Variants in GRXCR1 observed in about 807,000 individuals in gnomAD.
The protein encoded by GRXCR1 is glutaredoxin and cysteine rich domain containing 1.
In GRXCR1, 27 loss-of-function variants were observed where a neutral mutation model predicts 27.3. That is an observed-to-expected ratio of 0.99 (90% CI 0.73 to 1.37). The LOEUF (loss-of-function observed/expected upper bound fraction) is 1.37, where lower values mean the gene tolerates loss of function less well. GRXCR1 is among the 40% of genes most tolerant of loss of function. The probability of loss-of-function intolerance (pLI) is 0.00; values close to 1 mark genes in which losing one functional copy is unlikely to be tolerated. For synonymous variants in GRXCR1, 122 were observed against 131.1 expected, an observed-to-expected ratio of 0.93 and a Z score of 0.47; for missense variants, 379 against 354.4, an observed-to-expected ratio of 1.07 and a Z score of -0.56.
chr4:42,968,455 T>C (rs535417988), intron 2 of GRXCR1, among the ~76,000 whole-genome samples: 31 of 152,288 alleles, frequency 2.0e-4, no homozygotes, highest in African/African-American at 7.5e-4. Flanking sequence ...ATAATGGTTC[T>C]TTTCCACACA....
intron 2 of GRXCR1, among the ~76,000 whole-genome samples, chr4:42,965,131 GCCCTAT>G (rs1225208484): frequency 2.6e-5 from 4 of 152,118 alleles, no homozygotes; most frequent in East Asian, 3.9e-4. Context: ...CCTGCTATTT[GCCCTAT>G]AGTTTGAGGA....
chr4:43,015,228 C>T (rs1294979064), intron 2 of GRXCR1, among the ~76,000 whole-genome samples: 1 of 152,040 alleles, frequency 6.6e-6, no homozygotes, highest in Non-Finnish European at 1.5e-5. Context: ...ATAGTGAAGA[C>T]ACTTGTAGGC....
chr4:42,905,786 C>A (rs10018588), intron 1 of GRXCR1, among the ~76,000 whole-genome samples: 7,615 of 152,180 alleles, frequency 0.05, 262 homozygotes, highest in African/African-American at 0.098. Flanking sequence ...TAGTGTCTTA[C>A]GTTTCATGTG....
intron 1 of GRXCR1, among the ~76,000 whole-genome samples, chr4:42,916,920 G>A (rs1231396371): frequency 2.0e-5 from 3 of 152,044 alleles, no homozygotes; most frequent in Non-Finnish European, 2.9e-5. Flanking sequence ...ATGTAAGGAA[G>A]AACCTTATGT....
chr4:42,957,588 GATC>G (rs1320523208), intron 1 of GRXCR1, among the ~76,000 whole-genome samples: 1 of 151,800 alleles, frequency 6.6e-6, no homozygotes, highest in African/African-American at 2.4e-5. Context: ...CTATTTTGTA[GATC>G]CTATAGGTGT....
chr4:42,986,719 T>C (rs1178894129), intron 2 of GRXCR1, among the ~76,000 whole-genome samples: 2 of 152,170 alleles, frequency 1.3e-5, no homozygotes, highest in East Asian at 1.9e-4. Context: ...AAATGCCTAA[T>C]GTTATTTTCA....
intron 2 of GRXCR1, among the ~76,000 whole-genome samples, chr4:42,965,965 G>A (rs1477451257): frequency 1.3e-5 from 2 of 151,888 alleles, no homozygotes; most frequent in East Asian, 3.9e-4. Flanking sequence ...GAATTACAAG[G>A]ACACTAAGCT....
intron 1 of GRXCR1, among the ~76,000 whole-genome samples, chr4:42,935,746 T>C (rs1747440412): frequency 7.3e-6 from 1 of 137,826 alleles, no homozygotes; most frequent in South Asian, 2.1e-4. Flanking sequence ...AAAGGGGATT[T>C]AAAATTATTT....
At chr4:42,910,493 A>G (rs970295065) in intron 1 of GRXCR1, among the ~76,000 whole-genome samples, 1 of 152,160 alleles carries the variant, frequency 6.6e-6, no homozygotes, top group South Asian at 2.1e-4. Context: ...TGGGCTACAT[A>G]TGCTGAGTGG....
chr4:42,984,509 T>C (rs1474645351), intron 2 of GRXCR1, among the ~76,000 whole-genome samples: 1 of 152,250 alleles, frequency 6.6e-6, no homozygotes, highest in Non-Finnish European at 1.5e-5. Flanking sequence ...AGTAGATACC[T>C]ATTCTAGTCT....
At chr4:43,001,731 G>A (rs1712368147) in intron 2 of GRXCR1, among the ~76,000 whole-genome samples, 1 of 152,172 alleles carries the variant, frequency 6.6e-6, no homozygotes, top group Non-Finnish European at 1.5e-5. Flanking sequence ...AAAGTATAGA[G>A]AAGCAACAGT....
At chr4:42,902,640 C>A (rs1321681607) in intron 1 of GRXCR1, among the ~76,000 whole-genome samples, 3 of 152,088 alleles carry the variant, frequency 2.0e-5, no homozygotes, top group African/African-American at 7.2e-5. Context: ...GATGACAACA[C>A]ATGAACACAT....
intron 1 of GRXCR1, among the ~76,000 whole-genome samples, chr4:42,904,326 C>T (rs1043121908): frequency 2.0e-5 from 3 of 152,304 alleles, no homozygotes; most frequent in African/African-American, 7.2e-5. Context: ...CTCTTGAAAA[C>T]ATTCTTCTAT....
chr4:42,915,195 C>T (rs1746858469), intron 1 of GRXCR1, among the ~76,000 whole-genome samples: 1 of 152,122 alleles, frequency 6.6e-6, no homozygotes, highest in Non-Finnish European at 1.5e-5. Context: ...TGCGGTAAAC[C>T]TTGCTAACTT....
At position 42,987,866 on chromosome 4, in the gene GRXCR1, T is replaced by C. The variant is rs149037517; in HGVS notation, c.627+24732T>C. ...GGAAGAAGTTTTTACTAGGCTTCTA[T>C]GACACAGAACTCAACTCAAAGCAGA... On this transcript the variant is annotated intron_variant, in intron 2 of 3. Transcript: ENST00000399770. Among the ~76,000 whole-genome samples the C allele has an allele frequency of 1.3e-3, 194 of 152,320 alleles. 1 individual carries two copies. Among genetic ancestry groups the C allele is most frequent in the African/African-American group, 4.5e-3 (186 of 41,580 alleles).
intron 1 of GRXCR1, among the ~76,000 whole-genome samples, chr4:42,920,150 A>G (rs147238145): frequency 6.6e-6 from 1 of 152,276 alleles, no homozygotes; most frequent in African/African-American, 2.4e-5. Flanking sequence ...GAAGGACAAT[A>G]GACAAATGAC....
chr4:42,932,323 G>A (rs1747331714), intron 1 of GRXCR1, among the ~76,000 whole-genome samples: 1 of 151,540 alleles, frequency 6.6e-6, no homozygotes, highest in Admixed American at 6.6e-5. Flanking sequence ...TCAGTCCCTG[G>A]AATATATTTC....
At chr4:43,006,372 CAA>C (rs913496545) in intron 2 of GRXCR1, among the ~76,000 whole-genome samples, 5 of 152,172 alleles carry the variant, frequency 3.3e-5, no homozygotes, top group Non-Finnish European at 7.3e-5. Flanking sequence ...TCTCTTCTTT[CAA>C]AAGCAAATGG....
chr4:43,021,451 T>TA (rs750397981), intron 3 of GRXCR1, among the ~76,000 whole-genome samples: 6 of 152,198 alleles, frequency 3.9e-5, no homozygotes, highest in Admixed American at 6.5e-5. Context: ...CCAAATGAAC[T>TA]AGATGCTCCT....
Sources: allele counts gnomAD v4.1 joint callset (sites outside exome capture counted in the v4.1 genomes callset), GRCh38; gene constraint gnomAD v4.1.1; transcripts MANE v1.5; gene names NCBI Gene and HGNC (gene_info 2026-07-23, HGNC 2026-07-21).